GABRB2: variants seen among roughly 807,000 people sequenced by gnomAD.
GABRB2 encodes gamma-aminobutyric acid type A receptor subunit beta2, also known as gamma-aminobutyric acid receptor subunit beta-2.
A neutral mutation model predicts 54.7 loss-of-function variants in GABRB2; 16 were observed. The ratio of observed to expected loss-of-function variants is 0.29; its 90% CI spans 0.20 to 0.44. The LOEUF is 0.44. Ranked by LOEUF, GABRB2 falls within the 20% of genes least tolerant of loss-of-function variation. GABRB2 has a pLI of 1.00. For missense variants in GABRB2, 355 were observed against 644.0 expected, an observed-to-expected ratio of 0.55 and a Z score of 4.86; for synonymous variants, 244 against 233.8, an observed-to-expected ratio of 1.04 and a Z score of -0.40.
chr5:161,346,673 G>T (rs1754326344), intron 5 of GABRB2, among the ~76,000 whole-genome samples: 1 of 152,084 alleles, frequency 6.6e-6, no homozygotes, highest in South Asian at 2.1e-4. Flanking sequence ...GTCTAAAAGA[G>T]TTATTAGTCT....
At chr5:161,347,288 A>C (rs574276452) in intron 5 of GABRB2, among the ~76,000 whole-genome samples, 5 of 152,278 alleles carry the variant, frequency 3.3e-5, no homozygotes, top group African/African-American at 1.2e-4. Flanking sequence ...CAAATGCCAG[A>C]AATAAGGATT....
intron 3 of GABRB2, among the ~76,000 whole-genome samples, chr5:161,478,639 A>C (rs1407050888): frequency 6.6e-6 from 1 of 152,056 alleles, no homozygotes; most frequent in Non-Finnish European, 1.5e-5. Flanking sequence ...GATTGGGAAG[A>C]CAAACTGATA....
chr5:161,347,376 T>C (rs901030462), intron 5 of GABRB2, among the ~76,000 whole-genome samples: 4 of 152,106 alleles, frequency 2.6e-5, no homozygotes, highest in Non-Finnish European at 5.9e-5. Context: ...TTCAAAGCCA[T>C]ATTTTTGAAT....
intron 5 of GABRB2, among the ~76,000 whole-genome samples, chr5:161,399,007 T>C (rs1408060426): frequency 1.3e-5 from 2 of 152,126 alleles, no homozygotes; most frequent in Non-Finnish European, 2.9e-5. Context: ...GTTATAAGGG[T>C]GACTGAGAAG....
intron 3 of GABRB2, among the ~76,000 whole-genome samples, chr5:161,517,558 A>C (rs1359022640): frequency 2.0e-5 from 3 of 152,018 alleles, no homozygotes; most frequent in Non-Finnish European, 2.9e-5. Flanking sequence ...GCCTGGAAAA[A>C]CACTTGAGGG....
chr5:161,395,787 C>A (rs192300525), intron 5 of GABRB2, among the ~76,000 whole-genome samples: 1 of 152,244 alleles, frequency 6.6e-6, no homozygotes, highest in Non-Finnish European at 1.5e-5. Context: ...ACTTCCCTCT[C>A]TGGATCTTAG....
At chr5:161,466,249 A>C (rs1352364692) in intron 3 of GABRB2, among the ~76,000 whole-genome samples, 1 of 152,058 alleles carries the variant, frequency 6.6e-6, no homozygotes, top group Non-Finnish European at 1.5e-5. Context: ...CATTCTGGAA[A>C]ATTCCTGGTC....
intron 3 of GABRB2, among the ~76,000 whole-genome samples, chr5:161,524,264 C>A (rs1218749996): frequency 6.6e-6 from 1 of 151,114 alleles, no homozygotes; most frequent in Non-Finnish European, 1.5e-5. Context: ...TAATTTACTA[C>A]AAAGCAAACT....
intron 3 of GABRB2, among the ~76,000 whole-genome samples, chr5:161,497,091 G>A (rs557502831): frequency 6.6e-6 from 1 of 152,194 alleles, no homozygotes; most frequent in South Asian, 2.1e-4. Flanking sequence ...GGTATGAAAT[G>A]TTTAAAAACT....
At chr5:161,327,263 C>T (rs1359253208) in intron 8 of GABRB2, among the ~76,000 whole-genome samples, 1 of 152,158 alleles carries the variant, frequency 6.6e-6, no homozygotes, top group Admixed American at 6.5e-5. Context: ...GTGAAAGTGA[C>T]ACTTGCTTAT....
chr5:161,374,798 C>T (rs1269570021), intron 5 of GABRB2, among the ~76,000 whole-genome samples: 2 of 152,150 alleles, frequency 1.3e-5, no homozygotes, highest in Non-Finnish European at 2.9e-5. Context: ...CATAACTATA[C>T]ACCACATTAT....
chr5:161,366,624 C>A (rs911332739), intron 5 of GABRB2, among the ~76,000 whole-genome samples: 3 of 152,070 alleles, frequency 2.0e-5, no homozygotes, highest in Non-Finnish European at 4.4e-5. Flanking sequence ...CGCAAAAATG[C>A]ATGAATGGTA....
intron 3 of GABRB2, among the ~76,000 whole-genome samples, chr5:161,500,160 C>T (rs1324873180): frequency 2.6e-5 from 4 of 152,122 alleles, no homozygotes; most frequent in Non-Finnish European, 5.9e-5. Flanking sequence ...CAGAGAATGG[C>T]ACTGAGGATA....
chr5:161,303,461 C>T (rs1161627416), intron 9 of GABRB2, among the ~76,000 whole-genome samples: 1 of 152,066 alleles, frequency 6.6e-6, no homozygotes, highest in Non-Finnish European at 1.5e-5. Flanking sequence ...GGACCTATGT[C>T]ATCTTCTACT....
intron 9 of GABRB2, among the ~76,000 whole-genome samples, chr5:161,322,499 G>C (rs2113382874): frequency 6.6e-6 from 1 of 152,314 alleles, no homozygotes; most frequent in East Asian, 1.9e-4. Flanking sequence ...GTCTCCCAAA[G>C]TGCTGGGATC....
At chr5:161,524,659 G>A (rs1424395780) in intron 3 of GABRB2, among the ~76,000 whole-genome samples, 2 of 151,108 alleles carry the variant, frequency 1.3e-5, no homozygotes, top group Non-Finnish European at 3.0e-5. Flanking sequence ...TATTAACACT[G>A]AAAAAAATTC....
In GABRB2 at chr5:161,415,556, T is replaced by C. The variant is rs1302120196; in HGVS notation, c.459-4499A>G. ...CATACGAAATATTTTATAGTGTCATTACCTGAGATTTATTGATGCTAACAT... is the reference window on the plus strand; with the variant it reads ...CATACGAAATATTTTATAGTGTCATCACCTGAGATTTATTGATGCTAACAT... On this transcript the variant is annotated intron_variant, in intron 4 of 9. Transcript: ENST00000393959. Among the ~76,000 whole-genome samples, 4 of 152,194 alleles carry C rather than the reference T, an allele frequency of 2.6e-5. No homozygotes were observed. The East Asian group carries it at 5.8e-4, about 22-fold the overall frequency.
intron 8 of GABRB2, among the ~76,000 whole-genome samples, chr5:161,328,296 G>A (rs537244761): frequency 1.3e-5 from 2 of 152,240 alleles, no homozygotes; most frequent in South Asian, 2.1e-4. Flanking sequence ...TATGGGGACT[G>A]CAAATTTTAT....
At chr5:161,519,564 T>C (rs190812752) in intron 3 of GABRB2, among the ~76,000 whole-genome samples, 254 of 152,232 alleles carry the variant, frequency 1.7e-3, no homozygotes, top group Non-Finnish European at 3.0e-3. Flanking sequence ...ATTTTCATAT[T>C]AGAGAAATTC....
Sources: allele counts gnomAD v4.1 joint callset (sites outside exome capture counted in the v4.1 genomes callset), GRCh38; gene constraint gnomAD v4.1.1; transcripts MANE v1.5; gene names NCBI Gene and HGNC (gene_info 2026-07-23, HGNC 2026-07-21).